Variants in EPS15 observed in about 807,000 individuals in gnomAD.
The protein encoded by EPS15 is epidermal growth factor receptor substrate 15.
A neutral mutation model predicts 113.8 loss-of-function variants in EPS15; 72 were observed. That is an observed-to-expected ratio of 0.63 (90% CI 0.52 to 0.77). The LOEUF (loss-of-function observed/expected upper bound fraction) is 0.77. Ranked by LOEUF, EPS15 falls within the 30% of genes least tolerant of loss-of-function variation. The probability of loss-of-function intolerance (pLI) is 0.00; values close to 1 mark genes in which losing one functional copy is unlikely to be tolerated. For missense variants in EPS15, 1,048 were observed against 1,045.8 expected (o/e 1.00, Z -0.03); for synonymous variants, 344 against 363.4 (o/e 0.95, Z 0.61).
chr1:51,439,959 T>C (rs186924201), intron 12 of EPS15, among the ~76,000 whole-genome samples: 294 of 152,230 alleles, frequency 1.9e-3, no homozygotes, highest in Non-Finnish European at 3.4e-3. Flanking sequence ...AATATGTTAT[T>C]CAAATATCTA....
intron 1 of EPS15, among the ~76,000 whole-genome samples, chr1:51,501,768 T>C (rs1644419525): frequency 1.3e-5 from 2 of 152,106 alleles, no homozygotes; most frequent in African/African-American, 4.8e-5. Context: ...TGAGAGCGGC[T>C]GCACCCTGCC....
intron 12 of EPS15, among the ~76,000 whole-genome samples, chr1:51,426,837 C>CTCTCTCTCTCTATATATATATATATA (rs377211027): frequency 7.0e-6 from 1 of 143,568 alleles, no homozygotes; most frequent in African/African-American, 2.6e-5. Flanking sequence ...CTCTCTCTCT[C>CTCTCTCTCTCTATATATATATATATA]TATATATATA....
rs372185846 is a variant in EPS15, at chr1:51,468,566, T to A, written c.216A>T (p.Glu72Asp). The A allele has an allele frequency of 3.1e-6, 5 of 1,609,426 alleles. No individual in the cohort carries two copies. The highest frequency in any genetic ancestry group is 2.7e-5 in the African/African-American group (2 of 74,784). The stretch of plus-strand genomic sequence containing the variant: ...CCACAAGACGCAAAGCAACAAAGAA[T>A]TCCTAAGAAAGAAAAGTATGAATGT... ...TDGKGILNKQ[E>D]FFVALRLVAC... is the part of the protein sequence containing the mutation. Residue 72 changes from glutamate to aspartate, a missense_variant and splice_region_variant, in exon 5 of 25, where the codon GAA becomes GAT. Transcript: ENST00000371733.
At chr1:51,446,598 C>T (rs527535241) in intron 10 of EPS15, among the ~76,000 whole-genome samples, 3 of 151,972 alleles carry the variant, frequency 2.0e-5, no homozygotes, top group Non-Finnish European at 4.4e-5. Flanking sequence ...GAACTACAGG[C>T]GCACACCACC....
Position 51,451,490 on chromosome 1 carries a change from C to CAA in EPS15, c.562-3357_562-3356dup, listed in dbSNP as rs56091976. Reference sequence around the variant, plus strand: ...TGGGAAACAGAGAGAGACTCCATCTCAAAAAAAAAAAAAAAAAAGAAAGAA... The same window carrying CAA: ...TGGGAAACAGAGAGAGACTCCATCTCAAAAAAAAAAAAAAAAAAAAGAAAGAA... On this transcript the variant is annotated intron_variant, in intron 8 of 24. Coordinates refer to ENST00000371733, the MANE Select transcript of EPS15 (RefSeq NM_001981.3). Among the ~76,000 whole-genome samples the CAA allele has an allele frequency of 4.4e-3, 224 of 50,458 alleles. 3 individuals are homozygous for CAA. Among genetic ancestry groups the CAA allele is most frequent in the Middle Eastern group, 8.5e-3 (1 of 118 alleles). 33.1% of individuals were successfully genotyped at this position (50,458 alleles called of 152,430 possible). A position where few individuals can be genotyped will look rare whatever the true frequency, so the allele number is the denominator to read the frequency against.
intron 5 of EPS15, among the ~76,000 whole-genome samples, chr1:51,467,775 T>C (rs1654950783): frequency 6.6e-6 from 1 of 152,098 alleles, no homozygotes; most frequent in Non-Finnish European, 1.5e-5. Flanking sequence ...GGGATCTAGG[T>C]TGCATGCTAC....
At chr1:51,423,115 G>T in intron 12 of EPS15, 2 of 957,906 alleles carry the variant, frequency 2.1e-6, no homozygotes, top group Non-Finnish European at 2.8e-6. Context: ...TAGGCACAAT[G>T]TTCTTAAGAT....
intron 12 of EPS15, among the ~76,000 whole-genome samples, chr1:51,430,983 C>CAT (rs1427864621): frequency 4.7e-5 from 4 of 85,546 alleles, no homozygotes; most frequent in Non-Finnish European, 9.4e-5. Context: ...TACATACACA[C>CAT]ACACACACAC....
At chr1:51,413,905 C>A (rs1442798579) in intron 13 of EPS15, among the ~76,000 whole-genome samples, 1 of 152,004 alleles carries the variant, frequency 6.6e-6, no homozygotes, top group Non-Finnish European at 1.5e-5. Flanking sequence ...TGTGCCACCA[C>A]GCCTGGCTAA....
intron 14 of EPS15, among the ~76,000 whole-genome samples, chr1:51,408,571 T>C (rs1649365443): frequency 6.6e-6 from 1 of 151,648 alleles, no homozygotes; most frequent in Admixed American, 6.6e-5. Context: ...TATAGGAACA[T>C]GCCCAGCCAT....
chr1:51,361,053 A>T, intron 24 of EPS15, 118 bp downstream of exon 24: 1 of 761,274 alleles, frequency 1.3e-6, no homozygotes, highest in Admixed American at 2.6e-5. Context: ...AGAATGAAAG[A>T]TCATTTTTAG....
intron 8 of EPS15, among the ~76,000 whole-genome samples, chr1:51,448,720 G>A (rs1036492199): frequency 5.3e-5 from 8 of 152,088 alleles, no homozygotes; most frequent in East Asian, 3.9e-4. Flanking sequence ...GGAGCTGAGC[G>A]GTAGCATGCT....
intron 1 of EPS15, among the ~76,000 whole-genome samples, chr1:51,482,128 T>C (rs556585717): frequency 1.3e-5 from 2 of 152,140 alleles, no homozygotes; most frequent in African/African-American, 4.8e-5. Context: ...TGTGACTCTG[T>C]GACTGTACTC....
At chr1:51,413,499 G>A (rs1246978778) in intron 13 of EPS15, among the ~76,000 whole-genome samples, 1 of 152,176 alleles carries the variant, frequency 6.6e-6, no homozygotes, top group Admixed American at 6.5e-5. Flanking sequence ...AAACACGCAT[G>A]AGACTGACAG....
rs56184044 is a variant in EPS15, at chr1:51,444,528, G to T, written c.954+361C>A. Among the ~76,000 whole-genome samples the T allele has an allele frequency of 8.4e-3, 1,272 of 152,258 alleles. 16 individuals are homozygous for T. The highest frequency in any genetic ancestry group is 0.029 in the African/African-American group (1,222 of 41,562). ...TGTTTTCAAATCTGTATCATTTTAT[G>T]TAAGAGTGAATCATCAAGTGAAACA... is the stretch of plus-strand genomic sequence containing the variant. On this transcript the variant is annotated intron_variant, in intron 11 of 24. Transcript: ENST00000371733.
Position 51,395,438 on chromosome 1 carries a change from T to C in EPS15, c.2053-991A>G, listed in dbSNP as rs187188189. ...CCTAGTACTTAATATCATAAAATGT[T>C]ACATTTCTATTTTCTAATTGTTATC... On this transcript the variant is annotated intron_variant, in intron 20 of 24. Coordinates refer to ENST00000371733, the MANE Select transcript of EPS15 (RefSeq NM_001981.3). Among the ~76,000 whole-genome samples, 927 of 152,292 alleles carry C rather than the reference T, an allele frequency of 6.1e-3. 12 individuals carry two copies. Among genetic ancestry groups the C allele is most frequent in the African/African-American group, 0.021 (888 of 41,556 alleles).
At chr1:51,482,954 CCA>C (rs1414134143) in intron 1 of EPS15, among the ~76,000 whole-genome samples, 3 of 152,198 alleles carry the variant, frequency 2.0e-5, no homozygotes, top group Admixed American at 6.5e-5. Flanking sequence ...TTCCCCTTAT[CCA>C]CAGTTTCACT....
intron 24 of EPS15, among the ~76,000 whole-genome samples, chr1:51,359,905 ATTCT>A (rs1646341808): frequency 6.6e-6 from 1 of 151,818 alleles, no homozygotes; most frequent in African/African-American, 2.4e-5. Context: ...TTGCATGCAG[ATTCT>A]TTTTTTTTTT....
chr1:51,472,428 T>C (rs1655308502), intron 3 of EPS15, among the ~76,000 whole-genome samples: 1 of 152,340 alleles, frequency 6.6e-6, no homozygotes, highest in African/African-American at 2.4e-5. Flanking sequence ...CAATATCACA[T>C]ATAAGGAGTA....
Sources: allele counts gnomAD v4.1 joint callset (sites outside exome capture counted in the v4.1 genomes callset), GRCh38; gene constraint gnomAD v4.1.1; transcripts MANE v1.5; gene names NCBI Gene and HGNC (gene_info 2026-07-23, HGNC 2026-07-21).